Variants in ARHGAP15 observed in about 807,000 individuals in gnomAD.
ARHGAP15 encodes the protein rho GTPase-activating protein 15.
ARHGAP15 carries 51 observed loss-of-function variants against 63.7 expected under a neutral mutation model. The ratio of observed to expected loss-of-function variants is 0.80; its 90% confidence interval spans 0.64 to 1.01. ARHGAP15 has a LOEUF of 1.01. Ranked by LOEUF, ARHGAP15 falls within the 50% of genes least tolerant of loss-of-function variation. The pLI is 0.00. For synonymous variants in ARHGAP15, 191 were observed against 193.8 expected (o/e 0.99, Z 0.12); for missense variants, 560 against 564.6 (o/e 0.99, Z 0.08).
At chr2:143,135,970 C>T (rs992257974) in intron 1 of ARHGAP15, among the ~76,000 whole-genome samples, 2 of 152,172 alleles carry the variant, frequency 1.3e-5, no homozygotes, top group African/African-American at 4.8e-5. Flanking sequence ...ATTGCCCATT[C>T]ATCATCTCCA....
chr2:143,539,942 T>A (rs1364900411), intron 10 of ARHGAP15, among the ~76,000 whole-genome samples: 1 of 151,962 alleles, frequency 6.6e-6, no homozygotes, highest in Admixed American at 6.6e-5. Context: ...CCTTGTTTAC[T>A]TTCTGTCTCG....
At chr2:143,203,353 G>C (rs1454052788) in intron 3 of ARHGAP15, among the ~76,000 whole-genome samples, 1 of 152,010 alleles carries the variant, frequency 6.6e-6, no homozygotes, top group Non-Finnish European at 1.5e-5. Context: ...TTTGTCTCTT[G>C]AACTAACTCT....
At chr2:143,301,376 A>G (rs1356218665) in intron 6 of ARHGAP15, among the ~76,000 whole-genome samples, 1 of 151,968 alleles carries the variant, frequency 6.6e-6, no homozygotes, top group Non-Finnish European at 1.5e-5. Flanking sequence ...TTAGCCAAAA[A>G]ATATTCAGCT....
chr2:143,540,199 C>T (rs1477538230), intron 10 of ARHGAP15, among the ~76,000 whole-genome samples: 1 of 152,122 alleles, frequency 6.6e-6, no homozygotes, highest in Admixed American at 6.5e-5. Flanking sequence ...ACTAGGATTG[C>T]AACCCCTGCC....
At chr2:143,381,843 T>TA (rs1687064934) in intron 6 of ARHGAP15, among the ~76,000 whole-genome samples, 1 of 150,416 alleles carries the variant, frequency 6.6e-6, no homozygotes, top group South Asian at 2.1e-4. Flanking sequence ...TGTGGTATGT[T>TA]AGATTTTTTA....
At chr2:143,754,004 G>A (rs1355581654) in intron 13 of ARHGAP15, among the ~76,000 whole-genome samples, 1 of 152,086 alleles carries the variant, frequency 6.6e-6, no homozygotes, top group Non-Finnish European at 1.5e-5. Flanking sequence ...TCACCATCAG[G>A]GTGAAATTTA....
chr2:143,488,956 A>T (rs546392164), intron 9 of ARHGAP15, among the ~76,000 whole-genome samples: 1 of 152,360 alleles, frequency 6.6e-6, no homozygotes, highest in South Asian at 2.1e-4. Flanking sequence ...GACCCTCTAC[A>T]GATTCAACTT....
At chr2:143,398,564 G>A (rs558541164) in intron 6 of ARHGAP15, among the ~76,000 whole-genome samples, 2 of 152,160 alleles carry the variant, frequency 1.3e-5, no homozygotes, top group African/African-American at 4.8e-5. Flanking sequence ...GGAAATAAGA[G>A]TTGCCGAATG....
intron 1 of ARHGAP15, among the ~76,000 whole-genome samples, chr2:143,154,886 A>T (rs552073406): frequency 6.6e-6 from 1 of 152,070 alleles, no homozygotes; most frequent in East Asian, 1.9e-4. Flanking sequence ...CTTTATAAAT[A>T]CGATGTCCAA....
At chr2:143,453,880 A>C (rs1273500872) in intron 8 of ARHGAP15, among the ~76,000 whole-genome samples, 1 of 152,034 alleles carries the variant, frequency 6.6e-6, no homozygotes, top group Non-Finnish European at 1.5e-5. Context: ...ATCTGATAGA[A>C]CACATGCTTC....
At chr2:143,179,283 C>T (rs911610225) in intron 2 of ARHGAP15, among the ~76,000 whole-genome samples, 6 of 152,162 alleles carry the variant, frequency 3.9e-5, no homozygotes, top group African/African-American at 1.2e-4. Flanking sequence ...GAAACTCAGC[C>T]TATGAAACAA....
At chr2:143,658,601 A>G (rs1378698028) in intron 12 of ARHGAP15, among the ~76,000 whole-genome samples, 1 of 152,168 alleles carries the variant, frequency 6.6e-6, no homozygotes, top group Non-Finnish European at 1.5e-5. Context: ...GTTTGTTCAT[A>G]TGGGGATTCA....
intron 6 of ARHGAP15, among the ~76,000 whole-genome samples, chr2:143,299,116 G>A (rs1682779492): frequency 6.6e-6 from 1 of 151,902 alleles, no homozygotes; most frequent in Non-Finnish European, 1.5e-5. Flanking sequence ...TAAAAAGCAA[G>A]TACTGAGTTT....
intron 6 of ARHGAP15, among the ~76,000 whole-genome samples, chr2:143,291,600 GGC>G (rs1682404571): frequency 6.6e-6 from 1 of 152,064 alleles, no homozygotes; most frequent in African/African-American, 2.4e-5. Context: ...CAGGCCAGGA[GGC>G]AGTGTGCTGG....
At chr2:143,529,020 G>A (rs1407755237) in intron 10 of ARHGAP15, among the ~76,000 whole-genome samples, 2 of 152,000 alleles carry the variant, frequency 1.3e-5, no homozygotes, top group Non-Finnish European at 2.9e-5. Flanking sequence ...TGACTTCAGA[G>A]CTCCTATATG....
At chr2:143,154,650 G>T (rs979382867) in intron 1 of ARHGAP15, among the ~76,000 whole-genome samples, 3 of 151,896 alleles carry the variant, frequency 2.0e-5, no homozygotes, top group Non-Finnish European at 4.4e-5. Context: ...TTCACTTGAG[G>T]AACTTTTGGG....
rs114661270 is a variant in ARHGAP15 at position 143,150,031 on chromosome 2, G to A, written c.-14-5446G>A. 6.2e-3 allele frequency among the ~76,000 whole-genome samples: 935 copies of A among 151,930 alleles called. 8 individuals carry two copies. The highest frequency in any genetic ancestry group is 0.02 in the South Asian group (98 of 4,818). On this transcript the variant is annotated intron_variant, in intron 1 of 13. Coordinates refer to ENST00000295095, the MANE Select transcript of ARHGAP15 (RefSeq NM_018460.4). ...TCCACTTGATTTGTGGGTCTATGGCGAAATCAAGGATGCTGGGGGGTGTGG... is the reference window on the plus strand; with the variant it reads ...TCCACTTGATTTGTGGGTCTATGGCAAAATCAAGGATGCTGGGGGGTGTGG...
At chr2:143,211,719 A>T (rs972881239) in intron 3 of ARHGAP15, among the ~76,000 whole-genome samples, 3 of 152,134 alleles carry the variant, frequency 2.0e-5, no homozygotes, top group Non-Finnish European at 4.4e-5. Flanking sequence ...TTGTGGATCC[A>T]GAAAACTCAT....
chr2:143,440,317 G>T (rs1316142143), intron 8 of ARHGAP15, among the ~76,000 whole-genome samples: 3 of 152,062 alleles, frequency 2.0e-5, no homozygotes, highest in South Asian at 2.1e-4. Flanking sequence ...CCAAACTTAG[G>T]TTTCTTAAAA....
Sources: allele counts gnomAD v4.1 joint callset (sites outside exome capture counted in the v4.1 genomes callset), GRCh38; gene constraint gnomAD v4.1.1; transcripts MANE v1.5; gene names NCBI Gene and HGNC (gene_info 2026-07-23, HGNC 2026-07-21).